ABLIM2: variants seen among roughly 807,000 people sequenced by gnomAD.
ABLIM2 encodes the protein actin binding LIM protein family member 2.
Under a neutral mutation model 97.7 loss-of-function variants are expected in ABLIM2, and 53 were observed. That is an observed-to-expected ratio of 0.54 (90% CI 0.44 to 0.68). ABLIM2 has a LOEUF of 0.68. Ranked by LOEUF, ABLIM2 falls within the 30% of genes least tolerant of loss-of-function variation. The probability of loss-of-function intolerance (pLI) is 0.00; values close to 1 mark genes in which losing one functional copy is unlikely to be tolerated. For missense variants in ABLIM2, 835 were observed against 867.2 expected, an observed-to-expected ratio of 0.96 and a Z score of 0.47; for synonymous variants, 361 against 345.8, an observed-to-expected ratio of 1.04 and a Z score of -0.49.
At chr4:7,977,156 T>G (rs551408791) in intron 20 of ABLIM2, among the ~76,000 whole-genome samples, 40 of 152,302 alleles carry the variant, frequency 2.6e-4, no homozygotes, top group African/African-American at 9.6e-4. Flanking sequence ...GTATTTTAAG[T>G]GTTTGACAGG....
At position 7,966,933 on chromosome 4, in the gene ABLIM2, G is replaced by C. The variant is rs997068025; in HGVS notation, c.*57C>G. 12 of 1,370,160 alleles carry C rather than the reference G, an allele frequency of 8.8e-6. No homozygotes were observed. Among genetic ancestry groups the C allele is most frequent in the Non-Finnish European group, 2.0e-6 (2 of 980,668 alleles). 84.9% of individuals were successfully genotyped at this position (1,370,160 alleles called of 1,614,324 possible). On this transcript the variant is annotated 3_prime_UTR_variant, in exon 21 of 21. Coordinates refer to ENST00000447017, the MANE Select transcript of ABLIM2 (RefSeq NM_001130083.2). ...TGTGGGAGGGGTGTGTGCGGTTCTC[G>C]CCAGGGGCCCCTGGCCTCGGCGCCC...
chr4:8,134,114 C>G (rs1328310737), intron 1 of ABLIM2, among the ~76,000 whole-genome samples: 1 of 152,202 alleles, frequency 6.6e-6, no homozygotes, highest in African/African-American at 2.4e-5. Flanking sequence ...AAGGACACAG[C>G]TGAAGAGGGG....
intron 16 of ABLIM2, 71 bp downstream of exon 16, chr4:8,007,988 G>C (rs1006489660): frequency 6.5e-5 from 104 of 1,590,162 alleles, no homozygotes; most frequent in Non-Finnish European, 8.5e-5. Context: ...GGATAGCTCT[G>C]AGTTCTGGGG....
intron 20 of ABLIM2, among the ~76,000 whole-genome samples, chr4:7,979,702 C>A (rs972314762): frequency 6.6e-6 from 1 of 152,236 alleles, no homozygotes; most frequent in African/African-American, 2.4e-5. Context: ...TCTTTCCTCT[C>A]TCCCGGTTAT....
intron 8 of ABLIM2, among the ~76,000 whole-genome samples, chr4:8,047,488 G>T (rs531489042): frequency 6.6e-6 from 1 of 152,202 alleles, no homozygotes; most frequent in East Asian, 1.9e-4. Flanking sequence ...CAACTCTGGG[G>T]TCTGCCTGCC....
intron 6 of ABLIM2, among the ~76,000 whole-genome samples, chr4:8,073,727 G>T (rs112678430): frequency 0.028 from 4,301 of 152,302 alleles, 86 homozygotes; most frequent in African/African-American, 0.034. Flanking sequence ...AAGGCACAAA[G>T]ACCCTAAATA....
intron 8 of ABLIM2, among the ~76,000 whole-genome samples, chr4:8,049,993 G>C (rs1242630830): frequency 1.3e-5 from 2 of 152,200 alleles, no homozygotes; most frequent in African/African-American, 4.8e-5. Context: ...CTCCCAAGGT[G>C]CTAGGATTAC....
chr4:8,043,276 C>T lies in ABLIM2; in HGVS notation c.900+1888G>A, dbSNP rs756040113. On this transcript the variant is annotated intron_variant, in intron 9 of 20. Coordinates refer to ENST00000447017, the MANE Select transcript of ABLIM2 (RefSeq NM_001130083.2). This position sits in a 1 kb window ranked among gnomAD's most constrained non-coding sequence, Gnocchi z 4.8. ...GCTTTTCTCTTGTGAACTTGTCTCT[C>T]GTTATAGGAGTGTCAGCTGTGACCC... Among the ~76,000 whole-genome samples the T allele has an allele frequency of 2.0e-5, 3 of 152,198 alleles. No homozygotes were observed. Among genetic ancestry groups the T allele is most frequent in the African/African-American group, 4.8e-5 (2 of 41,460 alleles).
rs531652009 is a variant in ABLIM2 at position 8,120,727 on chromosome 4, G to A, written c.11-14090C>T. On this transcript the variant is annotated intron_variant, in intron 1 of 20. Transcript: ENST00000447017. The surrounding 1 kb of genome is among the most constrained non-coding windows in gnomAD (Gnocchi z 5.6). ...AGTGCAGGTCCGTCCTGATGAACCC[G>A]GGGCAAGCTCGTGACATCACTAAGT... Among the ~76,000 whole-genome samples, 4 of 152,146 alleles carry A rather than the reference G, an allele frequency of 2.6e-5. No homozygotes were observed. The highest frequency in any genetic ancestry group is 1.9e-4 in the East Asian group (1 of 5,198).
chr4:8,154,049 G>A (rs1453694385), intron 1 of ABLIM2, among the ~76,000 whole-genome samples: 1 of 144,364 alleles, frequency 6.9e-6, no homozygotes, highest in East Asian at 2.0e-4. Context: ...TGCAAGCTCT[G>A]CCTCCCAGGT....
intron 10 of ABLIM2, 128 bp downstream of exon 10, chr4:8,036,021 G>C (rs1784269843): frequency 8.6e-7 from 1 of 1,162,646 alleles, no homozygotes; most frequent in African/African-American, 1.5e-5. Context: ...AAGAGGCTGA[G>C]CGTGTGGGTG....
chr4:8,091,373 ATATAAT>A (rs1196577033), intron 3 of ABLIM2, among the ~76,000 whole-genome samples: 2 of 52,736 alleles, frequency 3.8e-5, no homozygotes, highest in African/African-American at 1.4e-4. Flanking sequence ...ATTATATTAC[ATATAAT>A]TATATTATAT....
At chr4:8,137,047 G>C (rs950726121) in intron 1 of ABLIM2, among the ~76,000 whole-genome samples, 1 of 152,212 alleles carries the variant, frequency 6.6e-6, no homozygotes, top group African/African-American at 2.4e-5. Flanking sequence ...CATCTATGAG[G>C]AGGCGGCCCC....
chr4:8,056,305 C>CTTTT (rs71175456), intron 7 of ABLIM2, among the ~76,000 whole-genome samples: 23 of 128,178 alleles, frequency 1.8e-4, no homozygotes, highest in Non-Finnish European at 2.1e-4. Flanking sequence ...TTCTTTCTTT[C>CTTTT]TTTTTTTTTT....
At chr4:7,981,590 T>G (rs1577836907) in intron 20 of ABLIM2, among the ~76,000 whole-genome samples, 1 of 152,188 alleles carries the variant, frequency 6.6e-6, no homozygotes, top group Non-Finnish European at 1.5e-5. Context: ...ATGGACACAG[T>G]AAATTCCTTC....
rs1370698577 is a variant in ABLIM2, at chr4:8,036,134, G to A, written c.1047+15C>T. On this transcript the variant is annotated intron_variant, in intron 10 of 20. Transcript: ENST00000447017. ...GGGACACAGGTGTCCAGGGCCATGTGGGCAGGGTCCATACCTCGCCGTAGC... is the reference window on the plus strand; with the variant it reads ...GGGACACAGGTGTCCAGGGCCATGTAGGCAGGGTCCATACCTCGCCGTAGC... 2 of 1,613,108 alleles carry A rather than the reference G, an allele frequency of 1.2e-6. No homozygotes were observed. The highest frequency in any genetic ancestry group is 2.2e-5 in the East Asian group (1 of 44,860).
intron 7 of ABLIM2, among the ~76,000 whole-genome samples, chr4:8,055,263 G>A (rs1332825638): frequency 6.6e-6 from 1 of 152,158 alleles, no homozygotes; most frequent in African/African-American, 2.4e-5. Flanking sequence ...CATCCTTCAG[G>A]ATCTGGGGCA....
rs375058523 is a variant in ABLIM2, at chr4:8,136,008, C to T, written c.10+22672G>A. ...ACACAATTGTGCAAGTGCTCACCCA[C>T]ATTCACAGCAGCAGAATCTCCACCA... On this transcript the variant is annotated intron_variant, in intron 1 of 20. Coordinates refer to ENST00000447017, the MANE Select transcript of ABLIM2 (RefSeq NM_001130083.2). Among the ~76,000 whole-genome samples the T allele has an allele frequency of 2.0e-5, 3 of 152,240 alleles. No individual in the cohort carries two copies. In the East Asian group the frequency reaches 5.8e-4, roughly 29 times the overall value.
intron 1 of ABLIM2, among the ~76,000 whole-genome samples, chr4:8,110,756 C>A (rs1368554251): frequency 2.0e-5 from 3 of 152,166 alleles, no homozygotes; most frequent in East Asian, 3.9e-4. Context: ...TCCGAGGCGT[C>A]CGGGGGCTGC....
Sources: allele counts gnomAD v4.1 joint callset (sites outside exome capture counted in the v4.1 genomes callset), GRCh38; gene constraint gnomAD v4.1.1; non-coding constraint Gnocchi (gnomAD v3.1); transcripts MANE v1.5; gene names NCBI Gene and HGNC (gene_info 2026-07-23, HGNC 2026-07-21).